The following PAK1 variants were observed in gnomAD, a reference collection of about 807,000 sequenced individuals.
PAK1 encodes serine/threonine-protein kinase PAK 1.
A neutral mutation model predicts 67.4 loss-of-function variants in PAK1; 29 were observed. The ratio of observed to expected loss-of-function variants is 0.43; its 90% CI spans 0.32 to 0.59. The LOEUF (loss-of-function observed/expected upper bound fraction) is 0.59. Among genes scored for constraint, PAK1 ranks in the 20% least tolerant of loss-of-function variants. The probability of loss-of-function intolerance (pLI) is 0.07; values close to 1 mark genes in which losing one functional copy is unlikely to be tolerated. For synonymous variants in PAK1, 223 were observed against 237.4 expected, an observed-to-expected ratio of 0.94 and a Z score of 0.56; for missense variants, 337 against 670.7, an observed-to-expected ratio of 0.50 and a Z score of 5.50.
chr11:77,416,746 G>T (rs181005998), intron 1 of PAK1, among the ~76,000 whole-genome samples: 2 of 152,302 alleles, frequency 1.3e-5, no homozygotes, highest in Non-Finnish European at 2.9e-5. Flanking sequence ...GAAGTCAGGA[G>T]ATCAAGACCA....
intron 5 of PAK1, 71 bp downstream of exon 5, chr11:77,374,257 G>T: frequency 9.9e-7 from 1 of 1,005,218 alleles, no homozygotes; most frequent in Non-Finnish European, 1.6e-6. Flanking sequence ...CTCAGGCTCT[G>T]CCTCTACCAC....
chr11:77,494,866 A>T, the PAK1 span, among the ~76,000 whole-genome samples: 3 of 152,130 alleles, frequency 2.0e-5, no homozygotes, highest in African/African-American at 4.8e-5. Flanking sequence ...ATACAAAATT[A>T]AAAAATTAAA....
chr11:77,335,597 A>G (rs1942551494), intron 13 of PAK1, among the ~76,000 whole-genome samples: 1 of 152,166 alleles, frequency 6.6e-6, no homozygotes, highest in African/African-American at 2.4e-5. Flanking sequence ...AACTATTACA[A>G]CAGTCTCTCG....
the PAK1 span, among the ~76,000 whole-genome samples, chr11:77,492,771 G>T: frequency 6.6e-6 from 1 of 152,006 alleles, no homozygotes; most frequent in Non-Finnish European, 1.5e-5. Flanking sequence ...CTCATAAATG[G>T]CTTAGAACCA....
At chr11:77,496,059 G>A in the PAK1 span, among the ~76,000 whole-genome samples, 11 of 144,384 alleles carry the variant, frequency 7.6e-5, no homozygotes, top group South Asian at 2.2e-4. Context: ...TCACTCTGTC[G>A]CCAGGCTGGA....
rs1488392306 is a variant in PAK1, at chr11:77,379,257, T to C, written c.423A>G (p.Lys141=). The C allele has an allele frequency of 1.2e-6, 2 of 1,613,448 alleles. No individual in the cohort carries two copies. Among genetic ancestry groups the C allele is most frequent in the Non-Finnish European group, 1.7e-6 (2 of 1,179,646 alleles). Residue 141 remains lysine (K), a synonymous_variant, in exon 4 of 15, where the codon AAA becomes AAG. Coordinates refer to ENST00000356341, the MANE Select transcript of PAK1 (RefSeq NM_002576.5). Reference sequence around the variant, plus strand: ...TTCTCATACCTGTAAAGCTCATGTATTTCTGGCTGTTGGATGTCTTCTTCG... The same window carrying C: ...TTCTCATACCTGTAAAGCTCATGTACTTCTGGCTGTTGGATGTCTTCTTCG... The part of the protein sequence containing the change: ...YNSKKTSNSQ[K]YMSFTDKSAE...
chr11:77,347,689 CTG>C (rs1944638862), intron 9 of PAK1, among the ~76,000 whole-genome samples: 1 of 152,134 alleles, frequency 6.6e-6, no homozygotes, highest in Non-Finnish European at 1.5e-5. Context: ...ATTTTAATGT[CTG>C]TGAACTTTCA....
intron 1 of PAK1, among the ~76,000 whole-genome samples, chr11:77,465,508 T>G (rs1310452769): frequency 6.6e-6 from 1 of 152,146 alleles, no homozygotes; most frequent in Non-Finnish European, 1.5e-5. Flanking sequence ...GGCTTTCTCA[T>G]TTTGCTCACC....
intron 1 of PAK1, among the ~76,000 whole-genome samples, chr11:77,448,237 G>T (rs1473859229): frequency 6.6e-6 from 1 of 152,154 alleles, no homozygotes; most frequent in Admixed American, 6.5e-5. Flanking sequence ...ATATGTCAGA[G>T]ACCTGTTGTG....
chr11:77,451,412 T>G (rs770349266), intron 1 of PAK1, among the ~76,000 whole-genome samples: 1 of 152,152 alleles, frequency 6.6e-6, no homozygotes, highest in Non-Finnish European at 1.5e-5. Flanking sequence ...CCTATTACCA[T>G]TACATCATAC....
rs1424419841 is a variant in PAK1, at chr11:77,337,439, G to A, written c.1117-16C>T. ...CCTGCAGACACTATTGAAGTGGTGTGGGCAGGGGGAGAAAGAAAGGACATA... is the reference window on the plus strand; with the variant it reads ...CCTGCAGACACTATTGAAGTGGTGTAGGCAGGGGGAGAAAGAAAGGACATA... On this transcript the variant is annotated splice_polypyrimidine_tract_variant and intron_variant, in intron 11 of 14. Coordinates refer to ENST00000356341, the MANE Select transcript of PAK1 (RefSeq NM_002576.5). 2.8e-6 allele frequency: 4 copies of A among 1,429,822 alleles called. No individual in the cohort carries two copies. Among genetic ancestry groups the A allele is most frequent in the Non-Finnish European group, 3.9e-6 (4 of 1,019,006 alleles). 88.6% of individuals were successfully genotyped at this position (1,429,822 alleles called of 1,614,324 possible). A position where few individuals can be genotyped will look rare whatever the true frequency, so the allele number is the denominator to read the frequency against.
chr11:77,351,847 T>G (rs910448048), intron 8 of PAK1, among the ~76,000 whole-genome samples: 2 of 151,692 alleles, frequency 1.3e-5, no homozygotes, highest in African/African-American at 4.9e-5. Flanking sequence ...TTCTTTTTAA[T>G]TTTATCTCTT....
chr11:77,379,522 A>G, intron 3 of PAK1, 134 bp from the exon 4 acceptor site: 1 of 754,210 alleles, frequency 1.3e-6, no homozygotes, highest in Non-Finnish European at 2.1e-6. Flanking sequence ...CTATACTCTC[A>G]GAGTTTACAC....
the PAK1 span, among the ~76,000 whole-genome samples, chr11:77,504,720 T>C: frequency 1.3e-5 from 2 of 152,232 alleles, no homozygotes; most frequent in African/African-American, 4.8e-5. Flanking sequence ...TCTTATACCA[T>C]ACTTAAGGAT....
Position 77,322,663 on chromosome 11 carries a change from A to C in PAK1, c.*611T>G, listed in dbSNP as rs2844337. 70,616 of 242,172 alleles carry C rather than the reference A, an allele frequency of 0.29. 10,942 individuals are homozygous for C. The highest frequency in any genetic ancestry group is 0.43 in the South Asian group (4,496 of 10,418). The allele number at this position is 242,172 out of a possible 1,614,324, so 15.0% of individuals were successfully genotyped here. Reference sequence around the variant, plus strand: ...ACAGCATGGGAACACTATTGGGTCAAGGTCCTCCCGAACAGCTGCTAGAAG... The same window carrying C: ...ACAGCATGGGAACACTATTGGGTCACGGTCCTCCCGAACAGCTGCTAGAAG... On this transcript the variant is annotated 3_prime_UTR_variant, in exon 15 of 15. Coordinates refer to ENST00000356341, the MANE Select transcript of PAK1 (RefSeq NM_002576.5).
chr11:77,441,217 A>G (rs1048497968), intron 1 of PAK1, among the ~76,000 whole-genome samples: 1 of 151,604 alleles, frequency 6.6e-6, no homozygotes, highest in Non-Finnish European at 1.5e-5. Context: ...AAAAAAAAAA[A>G]TCTAAAGGAA....
intron 1 of PAK1, among the ~76,000 whole-genome samples, chr11:77,420,166 A>G (rs1043186200): frequency 6.6e-6 from 1 of 152,192 alleles, no homozygotes; most frequent in African/African-American, 2.4e-5. Context: ...AAGAAGGAGT[A>G]AATTTTTCAT....
chr11:77,338,540 G>A (rs959079808), intron 11 of PAK1, among the ~76,000 whole-genome samples: 2 of 152,144 alleles, frequency 1.3e-5, no homozygotes, highest in African/African-American at 4.8e-5. Flanking sequence ...AGCTACTACG[G>A]AAACAGTTTG....
Position 77,431,642 on chromosome 11 carries a change from C to T in PAK1, c.-21-39101G>A, listed in dbSNP as rs143168495. 5.3e-5 allele frequency among the ~76,000 whole-genome samples: 8 copies of T among 152,304 alleles called. No homozygotes were observed. In the East Asian group the frequency reaches 1.5e-3, roughly 29 times the overall value. ...AAAGAAGTAAAGCATCTTTCCCCCACTCTGAACCAGAACAGGAAGACTCAT... is the reference window on the plus strand; with the variant it reads ...AAAGAAGTAAAGCATCTTTCCCCCATTCTGAACCAGAACAGGAAGACTCAT... On this transcript the variant is annotated intron_variant, in intron 1 of 14. Coordinates refer to ENST00000356341, the MANE Select transcript of PAK1 (RefSeq NM_002576.5).
Sources: allele counts gnomAD v4.1 joint callset (sites outside exome capture counted in the v4.1 genomes callset), GRCh38; gene constraint gnomAD v4.1.1; transcripts MANE v1.5; gene names NCBI Gene and HGNC (gene_info 2026-07-23, HGNC 2026-07-21).